PHF21A: variants seen among roughly 807,000 people sequenced by gnomAD.
The protein encoded by PHF21A is PHD finger protein 21A.
A neutral mutation model predicts 82.5 loss-of-function variants in PHF21A; 11 were observed. The observed-to-expected ratio is 0.13, with a 90% CI of 0.08 to 0.22. PHF21A has a LOEUF of 0.22. Ranked by LOEUF, PHF21A falls within the 10% of genes least tolerant of loss-of-function variation. PHF21A has a pLI of 1.00. For synonymous variants in PHF21A, 297 were observed against 302.8 expected, an observed-to-expected ratio of 0.98 and a Z score of 0.20; for missense variants, 579 against 837.8, an observed-to-expected ratio of 0.69 and a Z score of 3.81.
intron 5 of PHF21A, among the ~76,000 whole-genome samples, chr11:46,077,701 T>C (rs2096743356): frequency 6.6e-6 from 1 of 152,218 alleles, no homozygotes; most frequent in Non-Finnish European, 1.5e-5. Context: ...TCCAATGAGA[T>C]CACCCACACC....
chr11:45,995,675 A>C (rs1013676229), intron 6 of PHF21A, among the ~76,000 whole-genome samples: 1 of 152,230 alleles, frequency 6.6e-6, no homozygotes, highest in African/African-American at 2.4e-5. Flanking sequence ...AGAGTCTGCA[A>C]GACCAGCACA....
At chr11:45,958,449 T>TATATATATATATATATACACAC in intron 10 of PHF21A, among the ~76,000 whole-genome samples, 1 of 15,078 alleles carries the variant, frequency 6.6e-5, no homozygotes, top group South Asian at 4.3e-3. Flanking sequence ...TATATATATA[T>TATATATATATATATATACACAC]ACACACACAC....
At chr11:46,068,071 G>C (rs1230745219) in intron 6 of PHF21A, among the ~76,000 whole-genome samples, 1 of 152,178 alleles carries the variant, frequency 6.6e-6, no homozygotes, top group Non-Finnish European at 1.5e-5. Context: ...TCTTGAGAGA[G>C]CCCAGGGAGT....
intron 6 of PHF21A, among the ~76,000 whole-genome samples, chr11:45,997,485 C>T (rs2094948249): frequency 6.6e-6 from 1 of 152,146 alleles, no homozygotes. Flanking sequence ...AAGATGAAGC[C>T]AGCCCATGCC....
intron 10 of PHF21A, among the ~76,000 whole-genome samples, chr11:45,959,932 T>A (rs1012921932): frequency 5.3e-5 from 8 of 152,146 alleles, no homozygotes; most frequent in African/African-American, 1.7e-4. Context: ...AACAAGCACA[T>A]GAAAAGATGC....
chr11:45,957,751 C>CAAAAAAAAAAAAAAAAAAAAAAAAAGA, intron 10 of PHF21A, among the ~76,000 whole-genome samples: 18 of 60,884 alleles, frequency 3.0e-4, no homozygotes, highest in Non-Finnish European at 3.7e-4. Context: ...AAATTCAAAG[C>CAAAAAAAAAAAAAAAAAAAAAAAAAGA]AAAAAAAAAA....
intron 1 of PHF21A, among the ~76,000 whole-genome samples, chr11:46,098,445 C>A (rs1366519857): frequency 6.6e-6 from 1 of 152,044 alleles, no homozygotes; most frequent in Non-Finnish European, 1.5e-5. Context: ...AGTCTTCTTA[C>A]AATATAAACA....
chr11:45,998,793 T>C (rs369613756), intron 6 of PHF21A, among the ~76,000 whole-genome samples: 4 of 151,440 alleles, frequency 2.6e-5, no homozygotes, highest in African/African-American at 4.9e-5. Flanking sequence ...ATGCTGGGAT[T>C]ACAGGCATGA....
intron 6 of PHF21A, among the ~76,000 whole-genome samples, chr11:46,042,754 A>G (rs562636880): frequency 6.6e-6 from 1 of 152,034 alleles, no homozygotes; most frequent in Admixed American, 6.6e-5. Flanking sequence ...GAGGCCTATG[A>G]AAGCTTGTTT....
At chr11:45,990,153 T>C (rs2094634078) in intron 6 of PHF21A, among the ~76,000 whole-genome samples, 1 of 151,866 alleles carries the variant, frequency 6.6e-6, no homozygotes, top group Admixed American at 6.6e-5. Context: ...AACATACACA[T>C]GTATGCACCC....
At chr11:46,046,114 C>T (rs2096251920) in intron 6 of PHF21A, among the ~76,000 whole-genome samples, 1 of 152,186 alleles carries the variant, frequency 6.6e-6, no homozygotes, top group South Asian at 2.1e-4. Context: ...AGGCTCTGCC[C>T]TGACTCCATC....
chr11:45,934,454 G>A (rs1397654690), intron 18 of PHF21A: 6 of 528,622 alleles, frequency 1.1e-5, no homozygotes, highest in Admixed American at 7.0e-5. Context: ...AGGCAACAGA[G>A]GGAGAAAGAG....
intron 6 of PHF21A, among the ~76,000 whole-genome samples, chr11:46,023,365 A>C (rs2137945935): frequency 6.6e-6 from 1 of 152,330 alleles, no homozygotes. Flanking sequence ...CAGAGTAAGA[A>C]GTCATGAGCA....
intron 6 of PHF21A, among the ~76,000 whole-genome samples, chr11:46,009,449 C>T (rs1176331442): frequency 6.6e-6 from 1 of 152,150 alleles, no homozygotes; most frequent in Non-Finnish European, 1.5e-5. Flanking sequence ...CCCTATTATA[C>T]CAAGTGTCTG....
Position 46,018,550 on chromosome 11 carries a change from C to T in PHF21A, c.154-38584G>A, listed in dbSNP as rs567511527. On this transcript the variant is annotated intron_variant, in intron 6 of 18. Transcript: ENST00000676320. ...GAGAAAACAGCTATCCTGAAATAGC[C>T]GTCTGTGCATAATTTATGTGTCCAT... Among the ~76,000 whole-genome samples, 6 of 152,256 alleles carry T rather than the reference C, an allele frequency of 3.9e-5. No individual in the cohort carries two copies. In the East Asian group the frequency reaches 5.8e-4, roughly 15 times the overall value.
chr11:45,985,308 G>A (rs2094454091), intron 6 of PHF21A, among the ~76,000 whole-genome samples: 1 of 152,174 alleles, frequency 6.6e-6, no homozygotes, highest in African/African-American at 2.4e-5. Context: ...AAAGAAGAGG[G>A]GATGTGTTAC....
At chr11:46,025,003 T>C (rs1268925886) in intron 6 of PHF21A, among the ~76,000 whole-genome samples, 2 of 152,212 alleles carry the variant, frequency 1.3e-5, no homozygotes, top group Non-Finnish European at 2.9e-5. Context: ...CATTATGCTA[T>C]GCTGTTCCAC....
At chr11:46,001,900 A>G (rs2095144050) in intron 6 of PHF21A, among the ~76,000 whole-genome samples, 1 of 152,224 alleles carries the variant, frequency 6.6e-6, no homozygotes, top group Admixed American at 6.5e-5. Flanking sequence ...CAAATGTTCA[A>G]TTGCAGGGAT....
At chr11:46,037,641 A>C (rs1163053030) in intron 6 of PHF21A, among the ~76,000 whole-genome samples, 4 of 96,906 alleles carry the variant, frequency 4.1e-5, no homozygotes, top group Admixed American at 1.3e-4. Context: ...ACGTCATCTC[A>C]AAAAAAAAAA....
Sources: gnomAD v4.1 joint callset for allele counts (sites outside exome capture counted in the v4.1 genomes callset) on GRCh38, gnomAD v4.1.1 for gene constraint, MANE v1.5 for transcripts, NCBI Gene and HGNC (gene_info 2026-07-23, HGNC 2026-07-21) for gene names.